Variants in POLR3B observed in about 807,000 individuals in gnomAD.
The protein encoded by POLR3B is DNA-directed RNA polymerase III subunit RPC2.
In POLR3B, 96 loss-of-function variants were observed where a neutral mutation model predicts 147.4. The observed-to-expected ratio is 0.65, with a 90% CI of 0.55 to 0.77. The LOEUF (loss-of-function observed/expected upper bound fraction) is 0.77, where lower values mean the gene tolerates loss of function less well. Among genes scored for constraint, POLR3B ranks in the 30% least tolerant of loss-of-function variants. POLR3B has a pLI of 0.00. For missense variants in POLR3B, 1,036 were observed against 1,413.5 expected, an observed-to-expected ratio of 0.73 and a Z score of 4.28; for synonymous variants, 461 against 485.9, an observed-to-expected ratio of 0.95 and a Z score of 0.67.
At chr12:106,508,729 G>C (rs2038728722) in intron 27 of POLR3B, among the ~76,000 whole-genome samples, 1 of 152,200 alleles carries the variant, frequency 6.6e-6, no homozygotes, top group Non-Finnish European at 1.5e-5. Flanking sequence ...GTTGTTGCTA[G>C]GGTTAAGTGG....
chr12:106,484,963 A>G (rs998041172), intron 23 of POLR3B, among the ~76,000 whole-genome samples: 1 of 152,166 alleles, frequency 6.6e-6, no homozygotes, highest in Admixed American at 6.5e-5. Context: ...GGCATATCCT[A>G]TAGGGCCTTT....
intron 9 of POLR3B, among the ~76,000 whole-genome samples, chr12:106,385,369 C>G (rs1163790160): frequency 1.3e-5 from 2 of 151,900 alleles, no homozygotes; most frequent in African/African-American, 4.8e-5. Flanking sequence ...AAATGAAGAG[C>G]TCAGATTATT....
At chr12:106,397,445 C>G (rs969572492) in intron 10 of POLR3B, among the ~76,000 whole-genome samples, 2 of 152,164 alleles carry the variant, frequency 1.3e-5, no homozygotes, top group African/African-American at 2.4e-5. Context: ...TTTTTCCCCA[C>G]TATTCTGATT....
At chr12:106,447,635 G>A (rs1044360028) in intron 19 of POLR3B, among the ~76,000 whole-genome samples, 8 of 152,172 alleles carry the variant, frequency 5.3e-5, no homozygotes, top group Non-Finnish European at 1.0e-4. Flanking sequence ...GGCACCCGAT[G>A]CCAAGTTCAC....
chr12:106,404,136 G>C (rs1478470663), intron 10 of POLR3B, among the ~76,000 whole-genome samples: 2 of 149,746 alleles, frequency 1.3e-5, no homozygotes, highest in African/African-American at 5.0e-5. Context: ...TGTCACCCAG[G>C]CTGGAGTACA....
At chr12:106,436,807 T>C (rs2037582599) in intron 16 of POLR3B, among the ~76,000 whole-genome samples, 1 of 152,204 alleles carries the variant, frequency 6.6e-6, no homozygotes, top group Admixed American at 6.5e-5. Context: ...AAGCACTGTG[T>C]GTGTGCATGA....
At chr12:106,443,726 G>GA (rs2037684991) in intron 18 of POLR3B, among the ~76,000 whole-genome samples, 1 of 152,082 alleles carries the variant, frequency 6.6e-6, no homozygotes, top group Admixed American at 6.6e-5. Context: ...TCACTGTGTT[G>GA]GCTAGGCTGG....
intron 7 of POLR3B, among the ~76,000 whole-genome samples, chr12:106,377,196 T>C (rs1456989460): frequency 2.6e-5 from 4 of 152,250 alleles, no homozygotes; most frequent in Non-Finnish European, 5.9e-5. Context: ...TTTTTGTACC[T>C]ATTTCTAGGC....
intron 11 of POLR3B, among the ~76,000 whole-genome samples, chr12:106,407,148 A>G (rs1394666195): frequency 3.9e-5 from 6 of 152,244 alleles, no homozygotes; most frequent in Non-Finnish European, 5.9e-5. Flanking sequence ...CTGGGTCTCA[A>G]CTGAATTTTA....
At chr12:106,402,145 A>G (rs952056761) in intron 10 of POLR3B, among the ~76,000 whole-genome samples, 42 of 152,146 alleles carry the variant, frequency 2.8e-4, no homozygotes, top group Non-Finnish European at 4.6e-4. Flanking sequence ...TGCAAAAATC[A>G]CAAGCATTCT....
intron 8 of POLR3B, among the ~76,000 whole-genome samples, chr12:106,379,071 A>G (rs1000582231): frequency 1.3e-5 from 2 of 152,176 alleles, no homozygotes; most frequent in Non-Finnish European, 2.9e-5. Context: ...GCTAACAGTA[A>G]TGGTCATTCA....
chr12:106,402,928 G>A (rs887548091), intron 10 of POLR3B, among the ~76,000 whole-genome samples: 16 of 152,258 alleles, frequency 1.1e-4, no homozygotes, highest in Non-Finnish European at 2.4e-4. Flanking sequence ...AACACCAAAA[G>A]CAATGGCAAC....
intron 2 of POLR3B, among the ~76,000 whole-genome samples, chr12:106,364,535 A>G (rs751148318): frequency 4.6e-5 from 7 of 152,242 alleles, no homozygotes; most frequent in Non-Finnish European, 7.3e-5. Flanking sequence ...TTTGGAAAAC[A>G]GGCTGTCAGT....
At position 106,501,456 on chromosome 12, in the gene POLR3B, A is replaced by T. The variant is rs1196162837; in HGVS notation, c.3098+20A>T. 1.4e-6 allele frequency: 2 copies of T among 1,395,636 alleles called. No homozygotes were observed. The highest frequency in any genetic ancestry group is 3.5e-4 in the Middle Eastern group (2 of 5,680). 86.5% of individuals were successfully genotyped at this position (1,395,636 alleles called of 1,614,324 possible). On this transcript the variant is annotated intron_variant, in intron 26 of 27. Transcript: ENST00000228347. ...TACCAGGTAAGAGAAAAGTACTTAC[A>T]AAAAGAATTGATAATGCAGTCAAGT...
chr12:106,509,438 A>T lies in POLR3B; in HGVS notation c.3291A>T (p.Ser1097=), dbSNP rs759579343. The T allele has an allele frequency of 6.2e-7, 1 of 1,613,840 alleles. No homozygotes were observed. The highest frequency in any genetic ancestry group is 8.5e-7 in the Non-Finnish European group (1 of 1,179,864). The change falls in exon 28 of 28, where the codon TCA becomes TCT. Residue 1097 remains serine (S), a synonymous_variant. Coordinates refer to ENST00000228347, the MANE Select transcript of POLR3B (RefSeq NM_018082.6). The stretch of plus-strand genomic sequence containing the variant: ...GTTTCAGGTGCCATTACTGCAAGTC[A>T]TCCTGCCACGTGTCTTCCCTCCGTA... ...GYSGWCHYCK[S]SCHVSSLRIP...
At position 106,366,539 on chromosome 12, in the gene POLR3B, T is replaced by C. The variant is rs2036538287; in HGVS notation, c.129T>C (p.His43=). The C allele has an allele frequency of 1.2e-6, 2 of 1,610,176 alleles. No homozygotes were observed. The highest frequency in any genetic ancestry group is 1.7e-6 in the Non-Finnish European group (2 of 1,176,892). The part of the protein sequence containing the change: ...FLKVKGLVKQ[H]IDSFNYFINV... The stretch of plus-strand genomic sequence containing the variant: ...AGGTGAAAGGCCTTGTGAAACAGCA[T>C]ATAGATTCATTTAACTATTTCATTA... The change falls in exon 3 of 28, where the codon CAT becomes CAC. Residue 43 remains histidine, a synonymous_variant. Coordinates refer to ENST00000228347, the MANE Select transcript of POLR3B (RefSeq NM_018082.6).
At chr12:106,430,549 C>G in intron 14 of POLR3B, 76 bp downstream of exon 14, 2 of 1,152,936 alleles carry the variant, frequency 1.7e-6, no homozygotes, top group East Asian at 4.7e-5. Context: ...GTGGGGAGGT[C>G]TGCTTCTGTT....
At chr12:106,489,362 G>A (rs539398297) in intron 23 of POLR3B, among the ~76,000 whole-genome samples, 1 of 152,212 alleles carries the variant, frequency 6.6e-6, no homozygotes, top group African/African-American at 2.4e-5. Flanking sequence ...TGGTTGATAA[G>A]GATTATGCGT....
intron 12 of POLR3B, among the ~76,000 whole-genome samples, chr12:106,411,326 TG>T (rs1363700523): frequency 2.0e-5 from 3 of 152,020 alleles, no homozygotes; most frequent in African/African-American, 7.2e-5. Flanking sequence ...TTGGTAGAGA[TG>T]GGGTTTCTCC....
Sources: gnomAD v4.1 joint callset for allele counts (sites outside exome capture counted in the v4.1 genomes callset) on GRCh38, gnomAD v4.1.1 for gene constraint, MANE v1.5 for transcripts, NCBI Gene and HGNC (gene_info 2026-07-23, HGNC 2026-07-21) for gene names.